The following DNM3 variants were observed in gnomAD, a reference collection of about 807,000 sequenced individuals.
DNM3 encodes dynamin-3.
DNM3 carries 47 observed loss-of-function variants against 101.6 expected under a neutral mutation model. The observed-to-expected ratio is 0.46, with a 90% CI of 0.37 to 0.59. The LOEUF is 0.59. Among genes scored for constraint, DNM3 ranks in the 20% least tolerant of loss-of-function variants. DNM3 has a pLI of 0.00. For missense variants in DNM3, 849 were observed against 1,085.7 expected (o/e 0.78, Z 3.06); for synonymous variants, 385 against 387.9 (o/e 0.99, Z 0.09).
chr1:172,349,725 A>C (rs770469848), intron 17 of DNM3, among the ~76,000 whole-genome samples: 7 of 152,214 alleles, frequency 4.6e-5, no homozygotes, highest in Non-Finnish European at 1.0e-4. Flanking sequence ...GAAATAAATG[A>C]AGACAATGTT....
chr1:171,855,580 G>A (rs2033516201), intron 1 of DNM3, among the ~76,000 whole-genome samples: 1 of 152,188 alleles, frequency 6.6e-6, no homozygotes, highest in Admixed American at 6.5e-5. Context: ...GCTGACTGGT[G>A]TGAGATGGTA....
chr1:172,246,376 AT>A (rs971930270), intron 14 of DNM3, among the ~76,000 whole-genome samples: 8 of 151,728 alleles, frequency 5.3e-5, no homozygotes, highest in African/African-American at 1.4e-4. Context: ...ACTTGTCAGA[AT>A]TTTTTTTTAA....
chr1:172,204,661 C>G (rs1463008284), intron 14 of DNM3, among the ~76,000 whole-genome samples: 2 of 152,152 alleles, frequency 1.3e-5, no homozygotes, highest in African/African-American at 4.8e-5. Context: ...GTGGGTGTAT[C>G]TTTCTCCTTC....
intron 1 of DNM3, among the ~76,000 whole-genome samples, chr1:171,889,278 C>T (rs1371338734): frequency 4.0e-5 from 6 of 151,782 alleles, no homozygotes; most frequent in East Asian, 3.9e-4. Context: ...TGTGCTTGGC[C>T]GTGAATTTAA....
At position 172,044,400 on chromosome 1, in the gene DNM3, A is replaced by G; in HGVS notation, c.1144A>G (p.Lys382Glu). ...FEIVKMEFNEKELRREISYAI... is the reference protein window; with the variant it reads ...FEIVKMEFNEEELRREISYAI... The stretch of plus-strand genomic sequence containing the variant: ...GCATCTGCAGATGGAGTTCAATGAG[A>G]AAGAATTGCGAAGAGAAATAAGCTA... Residue 382 changes from lysine (K) to glutamate (E), a missense_variant, in exon 9 of 21, where the codon AAA becomes GAA. Coordinates refer to ENST00000627582, the MANE Select transcript of DNM3 (RefSeq NM_015569.5). 1 of 1,608,216 alleles carries G rather than the reference A, an allele frequency of 6.2e-7. No homozygotes were observed. The highest frequency in any genetic ancestry group is 8.5e-7 in the Non-Finnish European group (1 of 1,177,302).
At chr1:172,016,186 CAAA>C (rs58031756) in intron 4 of DNM3, among the ~76,000 whole-genome samples, 1 of 81,982 alleles carries the variant, frequency 1.2e-5, no homozygotes. Flanking sequence ...GACTCCATCT[CAAA>C]AAAAAAAAAA....
chr1:172,176,154 A>G (rs976071850), intron 14 of DNM3, among the ~76,000 whole-genome samples: 4 of 151,806 alleles, frequency 2.6e-5, no homozygotes, highest in Non-Finnish European at 5.9e-5. Flanking sequence ...ACCCAGTGTA[A>G]TCATAGGGTC....
At chr1:172,150,650 G>T (rs1287503487) in intron 14 of DNM3, among the ~76,000 whole-genome samples, 3 of 152,210 alleles carry the variant, frequency 2.0e-5, no homozygotes, top group African/African-American at 2.4e-5. Context: ...CAAGGAGGTA[G>T]TGTCGTGTGG....
intron 12 of DNM3, among the ~76,000 whole-genome samples, chr1:172,087,029 T>C (rs1414105079): frequency 6.6e-6 from 1 of 152,140 alleles, no homozygotes; most frequent in Non-Finnish European, 1.5e-5. Flanking sequence ...TTTTTCATCT[T>C]CCTTTCACTT....
rs2060644656 is a variant in DNM3 at position 172,215,093 on chromosome 1, C to T, written c.1660-38480C>T. Among the ~76,000 whole-genome samples the T allele has an allele frequency of 3.3e-5, 5 of 152,140 alleles. No homozygotes were observed. In the South Asian group the frequency reaches 8.3e-4, roughly 25 times the overall value. ...AAGTAAGCACATTTAAACCTAAAGA[C>T]GAGTGTTCGGATATTTCAGTGGAAC... On this transcript the variant is annotated intron_variant, in intron 14 of 20. Transcript: ENST00000627582.
intron 17 of DNM3, among the ~76,000 whole-genome samples, chr1:172,347,460 A>C (rs1213774075): frequency 6.6e-6 from 1 of 152,190 alleles, no homozygotes; most frequent in African/African-American, 2.4e-5. Context: ...AGAGGCTTTA[A>C]GTATGAGAAG....
At chr1:171,904,891 C>T (rs563211594) in intron 1 of DNM3, among the ~76,000 whole-genome samples, 8 of 152,170 alleles carry the variant, frequency 5.3e-5, no homozygotes, top group African/African-American at 7.2e-5. Flanking sequence ...AACAGAACCA[C>T]GGGGTTTAGA....
chr1:172,234,614 C>T (rs12405500), intron 14 of DNM3, among the ~76,000 whole-genome samples: 97 of 152,068 alleles, frequency 6.4e-4, no homozygotes, highest in East Asian at 2.5e-3. Context: ...GGAGGCATCA[C>T]GCTACCTGAC....
intron 20 of DNM3, among the ~76,000 whole-genome samples, chr1:172,394,636 A>G (rs1164258533): frequency 6.6e-6 from 1 of 152,180 alleles, no homozygotes; most frequent in Admixed American, 6.5e-5. Context: ...TTGAAGCTTC[A>G]GCCATTGCAG....
chr1:172,387,330 G>A lies in DNM3; in HGVS notation c.2256G>A (p.Val752=). 1 of 1,613,688 alleles carries A rather than the reference G, an allele frequency of 6.2e-7. No individual in the cohort carries two copies. Among genetic ancestry groups the A allele is most frequent in the African/African-American group, 1.3e-5 (1 of 75,020 alleles). ...TGTCCACTCCGGCACCCCCTCCAGT[G>A]GATGACTCCTGGATACAGCACTCTC... ...ATVSTPAPPP[V]DDSWIQHSRR... is the part of the protein sequence containing the mutation. Residue 752 remains valine, a synonymous_variant, in exon 19 of 21, where the codon GTG becomes GTA. Coordinates refer to ENST00000627582, the MANE Select transcript of DNM3 (RefSeq NM_015569.5).
At chr1:171,916,297 C>T (rs2039704730) in intron 1 of DNM3, among the ~76,000 whole-genome samples, 1 of 152,162 alleles carries the variant, frequency 6.6e-6, no homozygotes, top group Non-Finnish European at 1.5e-5. Context: ...ATAGTACCTT[C>T]CTCATAGGAT....
Position 171,987,715 on chromosome 1 carries a change from C to T in DNM3, c.295C>T (p.Leu99Phe). Residue 99 changes from leucine to phenylalanine, a missense_variant, in exon 3 of 21, where the codon CTT (leucine) becomes TTT (phenylalanine). By Grantham distance (22) the Leu-to-Phe change is conservative. Around this residue, in one of 5 missense-constraint regions of DNM3, gnomAD observed 388 missense variants for 483.0 expected, o/e 0.80. Transcript: ENST00000627582. ...ATTTACAGATTTTGATGAAGTTCGC[C>T]TTGAGATTGAAGCAGAAACAGATCG... ...KKFTDFDEVR[L>F]EIEAETDRVT... 2 of 1,599,714 alleles carry T rather than the reference C, an allele frequency of 1.3e-6. No individual in the cohort carries two copies. The highest frequency in any genetic ancestry group is 1.7e-6 in the Non-Finnish European group (2 of 1,173,644).
At chr1:172,076,952 T>C (rs1190760616) in intron 11 of DNM3, among the ~76,000 whole-genome samples, 4 of 152,304 alleles carry the variant, frequency 2.6e-5, no homozygotes. Context: ...TCCTGGGCTT[T>C]TTTTGGTTGG....
At chr1:172,280,454 A>G (rs535049511) in intron 15 of DNM3, among the ~76,000 whole-genome samples, 47 of 152,344 alleles carry the variant, frequency 3.1e-4, no homozygotes, top group Non-Finnish European at 4.1e-4. Context: ...TTATTCAGGA[A>G]TGAAGGAATG....
Sources: allele counts gnomAD v4.1 joint callset (sites outside exome capture counted in the v4.1 genomes callset), GRCh38; gene constraint gnomAD v4.1.1; regional missense constraint gnomAD v4.1.1; transcripts MANE v1.5; gene names NCBI Gene and HGNC (gene_info 2026-07-23, HGNC 2026-07-21).